CNOT2: variants seen among roughly 807,000 people sequenced by gnomAD.
CNOT2 encodes the protein CC chemokine receptor 4-negative regulator of transcription 2.
A neutral mutation model predicts 72.1 loss-of-function variants in CNOT2; 7 were observed. The ratio of observed to expected loss-of-function variants is 0.10; its 90% CI spans 0.06 to 0.18. The LOEUF (loss-of-function observed/expected upper bound fraction) is 0.18. Among genes scored for constraint, CNOT2 ranks in the 10% least tolerant of loss-of-function variants. The pLI, the probability that CNOT2 is intolerant of heterozygous loss-of-function variation, is 1.00. For synonymous variants in CNOT2, 196 were observed against 225.6 expected, an observed-to-expected ratio of 0.87 and a Z score of 1.17; for missense variants, 345 against 660.3, an observed-to-expected ratio of 0.52 and a Z score of 5.23.
chr12:70,335,369 G>A lies in CNOT2; in HGVS notation c.650-69G>A, dbSNP rs911297851. The A allele has an allele frequency of 2.7e-5, 31 of 1,145,652 alleles. No individual in the cohort carries two copies. The East Asian group carries it at 6.8e-4, about 25-fold the overall frequency. The allele number at this position is 1,145,652 out of a possible 1,614,324, so 71.0% of individuals were successfully genotyped here. A position where few individuals can be genotyped will look rare whatever the true frequency, so the allele number is the denominator to read the frequency against. ...GCGCAATCATTTCGAATTATATTATGGTTGGTTTTTATAATCTCTTAAAAA... is the reference window on the plus strand; with the variant it reads ...GCGCAATCATTTCGAATTATATTATAGTTGGTTTTTATAATCTCTTAAAAA... On this transcript the variant is annotated intron_variant, in intron 7 of 15. Transcript: ENST00000229195.
At chr12:70,288,629 G>A (rs905047074) in intron 2 of CNOT2, among the ~76,000 whole-genome samples, 3 of 152,216 alleles carry the variant, frequency 2.0e-5, no homozygotes, top group Non-Finnish European at 4.4e-5. Flanking sequence ...CTCTGTTAGT[G>A]TTTATTTTGT....
intron 8 of CNOT2, 85 bp downstream of exon 8, chr12:70,335,648 G>A: frequency 2.0e-6 from 2 of 984,210 alleles, no homozygotes; most frequent in Non-Finnish European, 3.2e-6. Context: ...GTATACATAT[G>A]CTTGTGTGTG....
intron 15 of CNOT2, among the ~76,000 whole-genome samples, chr12:70,350,113 T>C (rs1246018764): frequency 3.3e-5 from 5 of 152,194 alleles, no homozygotes; most frequent in African/African-American, 1.2e-4. Context: ...ATTACTCATA[T>C]TTTACTAATT....
chr12:70,338,884 TATC>T lies in CNOT2; in HGVS notation c.1178+65_1178+67del, dbSNP rs1881063699. 4.4e-6 allele frequency: 6 copies of T among 1,372,430 alleles called. No individual in the cohort carries two copies. In the Admixed American group the frequency reaches 9.5e-5, roughly 22 times the overall value. 85.0% of individuals were successfully genotyped at this position (1,372,430 alleles called of 1,614,324 possible). On this transcript the variant is annotated intron_variant, in intron 11 of 15. Coordinates refer to ENST00000229195, the MANE Select transcript of CNOT2 (RefSeq NM_014515.7). ...ACCTCTTCAGACTTCCAGTTTTTAA[TATC>T]ATGTCATCAAATTATCTCACCTACT...
chr12:70,277,400 G>T (rs1869021503), intron 1 of CNOT2, among the ~76,000 whole-genome samples: 1 of 151,906 alleles, frequency 6.6e-6, no homozygotes, highest in South Asian at 2.1e-4. Context: ...GGTACCTGGA[G>T]TGCAAGTCAT....
At chr12:70,300,607 G>C (rs1394064679) in intron 2 of CNOT2, among the ~76,000 whole-genome samples, 2 of 152,194 alleles carry the variant, frequency 1.3e-5, no homozygotes, top group Non-Finnish European at 2.9e-5. Context: ...GTACCATGCT[G>C]TTTTGGTTAC....
chr12:70,293,555 G>GT (rs992946124), intron 2 of CNOT2, among the ~76,000 whole-genome samples: 49 of 151,944 alleles, frequency 3.2e-4, no homozygotes, highest in African/African-American at 1.1e-3. Flanking sequence ...AAAGTGCCAG[G>GT]TTTTTTTTGA....
intron 15 of CNOT2, among the ~76,000 whole-genome samples, chr12:70,346,979 T>TAGAGAATATATTATTCTCTACGTGTGG: frequency 6.6e-6 from 1 of 151,362 alleles, no homozygotes; most frequent in South Asian, 2.1e-4. Context: ...GTCTGCCTAG[T>TAGAGAATATATTATTCTCTACGTGTGG]AGAGAATATA....
chr12:70,318,658 A>G (rs1474709497), intron 3 of CNOT2, among the ~76,000 whole-genome samples: 2 of 151,862 alleles, frequency 1.3e-5, no homozygotes, highest in African/African-American at 2.4e-5. Context: ...AATGAGTTGT[A>G]TAATTCATTC....
At chr12:70,299,318 AC>A (rs1361801200) in intron 2 of CNOT2, among the ~76,000 whole-genome samples, 1 of 151,826 alleles carries the variant, frequency 6.6e-6, no homozygotes, top group African/African-American at 2.4e-5. Flanking sequence ...GGTGTGCTGC[AC>A]CCATTAACTT....
At chr12:70,270,573 C>G (rs374181926) in intron 1 of CNOT2, among the ~76,000 whole-genome samples, 1 of 152,078 alleles carries the variant, frequency 6.6e-6, no homozygotes, top group African/African-American at 2.4e-5. Context: ...TCTTCCTCCT[C>G]ATAGGAAAAT....
intron 1 of CNOT2, among the ~76,000 whole-genome samples, chr12:70,262,138 CTT>C (rs916716367): frequency 6.6e-6 from 1 of 151,710 alleles, no homozygotes; most frequent in Non-Finnish European, 1.5e-5. Context: ...TTGTCAATCT[CTT>C]TATCTTTTTA....
At chr12:70,290,386 A>G (rs1183931721) in intron 2 of CNOT2, among the ~76,000 whole-genome samples, 1 of 151,824 alleles carries the variant, frequency 6.6e-6, no homozygotes, top group Non-Finnish European at 1.5e-5. Flanking sequence ...GCTGCCTTTA[A>G]TTGCCCTCTT....
chr12:70,345,022 G>C (rs1178110710), intron 14 of CNOT2: 1 of 152,070 alleles, frequency 6.6e-6, no homozygotes, highest in African/African-American at 2.4e-5. Context: ...TTAATGTAAA[G>C]AAATTGGTTC....
rs556587924 is a variant in CNOT2, at chr12:70,350,929, AAT to A, written c.1537-2899_1537-2898del. On this transcript the variant is annotated intron_variant, in intron 15 of 15. Transcript: ENST00000229195. ...ACATAACTAGATCAGTGATTACATT[AAT>A]GTTTTTGTAATATTATTTGACTATA... 2.2e-3 allele frequency among the ~76,000 whole-genome samples: 328 copies of A among 152,300 alleles called. 1 individual carries two copies. The highest frequency in any genetic ancestry group is 0.017 in the Middle Eastern group (5 of 294).
chr12:70,339,095 C>T lies in CNOT2; in HGVS notation c.1178+273C>T, dbSNP rs1273490398. 2.7e-5 allele frequency among the ~76,000 whole-genome samples: 4 copies of T among 147,964 alleles called. No individual in the cohort carries two copies. The East Asian group carries it at 6.0e-4, about 22-fold the overall frequency. On this transcript the variant is annotated intron_variant, in intron 11 of 15. Transcript: ENST00000229195. ...GTGTGTGTATATATATATATATACA[C>T]ACACACACACACACACACCTTCCAG...
chr12:70,265,629 CTG>C (rs1959004598), intron 1 of CNOT2, among the ~76,000 whole-genome samples: 1 of 151,456 alleles, frequency 6.6e-6, no homozygotes, highest in South Asian at 2.1e-4. Flanking sequence ...TTTTCAATTT[CTG>C]TGTTTTTTCC....
intron 2 of CNOT2, among the ~76,000 whole-genome samples, chr12:70,289,057 A>G (rs1219139749): frequency 7.0e-6 from 1 of 142,466 alleles, no homozygotes; most frequent in Non-Finnish European, 1.5e-5. Context: ...TTTCTTGCTC[A>G]CTTCTCTTCC....
chr12:70,338,551 G>C lies in CNOT2; in HGVS notation c.1009G>C (p.Val337Leu). Residue 337 changes from valine to leucine, a missense_variant, in exon 10 of 16, where the codon GTG becomes CTG. Val to Leu is a conservative substitution (Grantham distance 32, BLOSUM62 1). Transcript: ENST00000229195. ...TAACCAGCAGAAAAAAGGGATCCAGGTGTTACCTGATGGTGGGACTCTAGA... is the reference window on the plus strand; with the variant it reads ...TAACCAGCAGAAAAAAGGGATCCAGCTGTTACCTGATGGTGGGACTCTAGA... ...NNNQQKKGIQ[V>L]LPDGRVTNIP... The C allele has an allele frequency of 6.2e-7, 1 of 1,611,044 alleles. No homozygotes were observed. The highest frequency in any genetic ancestry group is 8.5e-7 in the Non-Finnish European group (1 of 1,179,000).
Sources: gnomAD v4.1 joint callset for allele counts (sites outside exome capture counted in the v4.1 genomes callset) on GRCh38, gnomAD v4.1.1 for gene constraint, MANE v1.5 for transcripts, NCBI Gene and HGNC (gene_info 2026-07-23, HGNC 2026-07-21) for gene names.